Variants in IFT70B observed in about 807,000 individuals in gnomAD.
IFT70B encodes intraflagellar transport 70B, also known as intraflagellar transport protein 70B.
At chr2:177,552,735 G>A in the IFT70B span, 192 of 1,582,630 alleles carry the variant, frequency 1.2e-4, no homozygotes, top group Middle Eastern at 1.9e-3. Flanking sequence ...CTCCCCGTCG[G>A]GGATCTGCGC....
the IFT70B span, chr2:177,552,653 T>C: frequency 6.3e-7 from 1 of 1,590,326 alleles, no homozygotes; most frequent in South Asian, 1.1e-5. Flanking sequence ...TCCGCTGCAG[T>C]TCTCCGCCCA....
the IFT70B span, chr2:177,552,777 G>A: frequency 2.0e-6 from 3 of 1,518,658 alleles, no homozygotes; most frequent in Non-Finnish European, 1.8e-6. Context: ...CACCACGGCT[G>A]TTATGGGTGC....
At chr2:177,550,752 A>T in the IFT70B span, 1 of 1,558,936 alleles carries the variant, frequency 6.4e-7, no homozygotes, top group South Asian at 1.2e-5. Context: ...GATAAATGCC[A>T]CTATCAGCTA....
chr2:177,550,616 T>C, the IFT70B span: 2 of 656,782 alleles, frequency 3.0e-6, no homozygotes, highest in South Asian at 3.4e-5. Flanking sequence ...TCTGGGAAAT[T>C]TAACAGCAAA....
At chr2:177,551,561 T>C in the IFT70B span, 1 of 1,614,108 alleles carries the variant, frequency 6.2e-7, no homozygotes, top group Non-Finnish European at 8.5e-7. Context: ...CTCTATTGTG[T>C]CTTGCTTCCT....
the IFT70B span, chr2:177,552,440 G>A: frequency 2.5e-6 from 4 of 1,613,280 alleles, no homozygotes; most frequent in Non-Finnish European, 3.4e-6. Context: ...GGTAGGCGGG[G>A]TTATCCAGGA....
the IFT70B span, chr2:177,552,727 C>A: frequency 6.3e-7 from 1 of 1,586,464 alleles, no homozygotes; most frequent in South Asian, 1.1e-5. Context: ...GCGGTGAACT[C>A]CCCGTCGGGG....
chr2:177,552,625 C>T, the IFT70B span: 145 of 1,590,792 alleles, frequency 9.1e-5, no homozygotes, highest in Non-Finnish European at 1.2e-4. Flanking sequence ...AGCGACAGGC[C>T]GGCGCGGCTC....
chr2:177,551,146 T>C, the IFT70B span: 2 of 1,614,140 alleles, frequency 1.2e-6, no homozygotes, highest in African/African-American at 1.3e-5. Flanking sequence ...AGATGGTACA[T>C]TTTCTTATCT....
At chr2:177,552,063 A>G in the IFT70B span, 7,623 of 1,614,208 alleles carry the variant, frequency 4.7e-3, 26 homozygotes, top group Non-Finnish European at 5.9e-3. Context: ...GCGAACATCA[A>G]TGCCCTCAGT....
chr2:177,552,788 G>A, the IFT70B span: 114 of 1,497,880 alleles, frequency 7.6e-5, no homozygotes, highest in Non-Finnish European at 6.9e-5. Context: ...TTATGGGTGC[G>A]GTTACTATGG....
chr2:177,552,644 C>A, the IFT70B span: 1 of 1,590,080 alleles, frequency 6.3e-7, no homozygotes, highest in Non-Finnish European at 8.6e-7. Flanking sequence ...TCCTAGGGCT[C>A]CGCTGCAGTT....
the IFT70B span, chr2:177,551,976 T>C: frequency 6.2e-7 from 1 of 1,614,168 alleles, no homozygotes; most frequent in Admixed American, 1.7e-5. Flanking sequence ...GTTTCTCAGT[T>C]GGTATTCTAT....
chr2:177,552,204 T>C, the IFT70B span: 1 of 1,614,250 alleles, frequency 6.2e-7, no homozygotes, highest in South Asian at 1.1e-5. Context: ...AAGGTCAGGC[T>C]GGTAGCCCGA....
chr2:177,552,604 A>C, the IFT70B span: 16 of 1,594,878 alleles, frequency 1.0e-5, no homozygotes, highest in East Asian at 3.0e-4. Flanking sequence ...CGGTAGTAGC[A>C]GTAGCCTAGC....
At chr2:177,550,762 A>G in the IFT70B span, 1 of 1,580,502 alleles carries the variant, frequency 6.3e-7, no homozygotes, top group Non-Finnish European at 8.6e-7. Context: ...ACTATCAGCT[A>G]TTACTATATA....
chr2:177,551,152 T>A, the IFT70B span: 12 of 1,614,124 alleles, frequency 7.4e-6, no homozygotes, highest in Non-Finnish European at 1.0e-5. Context: ...TACATTTTCT[T>A]ATCTGGGTCA....
chr2:177,551,539 T>A, the IFT70B span: 14 of 1,614,150 alleles, frequency 8.7e-6, no homozygotes, highest in Non-Finnish European at 1.2e-5. Flanking sequence ...GCCTTTTTGA[T>A]AGCTTCATCA....
chr2:177,550,740 T>G, the IFT70B span: 1 of 1,543,574 alleles, frequency 6.5e-7, no homozygotes, highest in East Asian at 2.3e-5. Flanking sequence ...ACAAAGCCAT[T>G]TGATAAATGC....
Sources: allele counts gnomAD v4.1 joint callset, GRCh38; gene constraint gnomAD v4.1.1; transcripts MANE v1.5; gene names NCBI Gene and HGNC (gene_info 2026-07-23, HGNC 2026-07-21).